MYO6: variants seen among roughly 807,000 people sequenced by gnomAD.
The protein encoded by MYO6 is unconventional myosin-VI.
MYO6 carries 74 observed loss-of-function variants against 178.7 expected under a neutral mutation model. The ratio of observed to expected loss-of-function variants is 0.41; its 90% confidence interval spans 0.34 to 0.50. MYO6 has a LOEUF of 0.50. MYO6 is among the 20% of genes least tolerant of loss of function. The probability of loss-of-function intolerance (pLI) is 0.09; values close to 1 mark genes in which losing one functional copy is unlikely to be tolerated. For missense variants in MYO6, 1,330 were observed against 1,547.4 expected (o/e 0.86, Z 2.36); for synonymous variants, 477 against 504.6 (o/e 0.95, Z 0.73).
At chr6:75,867,155 T>G in intron 18 of MYO6, 50 bp downstream of exon 18, 1 of 1,393,184 alleles carries the variant, frequency 7.2e-7, no homozygotes, top group Non-Finnish European at 9.8e-7. Flanking sequence ...ATGAAATTAT[T>G]GTTTTATATT....
chr6:75,838,309 A>T (rs1457537475), intron 7 of MYO6, among the ~76,000 whole-genome samples: 4 of 151,996 alleles, frequency 2.6e-5, no homozygotes, highest in Admixed American at 1.3e-4. Flanking sequence ...TGCCTGCCTC[A>T]GCCTCCCAAA....
At chr6:75,824,697 C>CAGAAGT (rs1562211518) in intron 3 of MYO6, among the ~76,000 whole-genome samples, 1 of 151,824 alleles carries the variant, frequency 6.6e-6, no homozygotes, top group African/African-American at 2.4e-5. Context: ...TCTACTGAAA[C>CAGAAGT]AGAAGTAGTG....
Position 75,867,064 on chromosome 6 carries a change from G to A in MYO6, c.1903G>A (p.Ala635Thr), listed in dbSNP as rs761959353. The A allele has an allele frequency of 1.2e-6, 2 of 1,613,798 alleles. No individual in the cohort carries two copies. Among genetic ancestry groups the A allele is most frequent in the Non-Finnish European group, 1.7e-6 (2 of 1,179,862 alleles). The change falls in exon 18 of 35, where the codon GCA becomes ACA. Residue 635 changes from alanine to threonine, a missense_variant. By Grantham distance (58) the Ala-to-Thr change is moderately conservative. Around this residue, in one of 3 missense-constraint regions of MYO6, gnomAD observed 613 missense variants for 816.8 expected, o/e 0.75. Transcript: ENST00000369977. ...TAACAACAAAGATACTAAACAAAAA[G>A]CAGGAAAACTTAGCTTCATCAGCGT... ...TNNNKDTKQK[A>T]GKLSFISVGN... is the part of the protein sequence containing the mutation.
intron 1 of MYO6, among the ~76,000 whole-genome samples, chr6:75,756,147 C>G (rs1777327477): frequency 6.6e-6 from 1 of 152,032 alleles, no homozygotes; most frequent in East Asian, 2.0e-4. Context: ...GTAGTCCTAG[C>G]TACTCAGGCG....
intron 1 of MYO6, among the ~76,000 whole-genome samples, chr6:75,787,751 T>C (rs1767796844): frequency 7.9e-6 from 1 of 126,148 alleles, no homozygotes. Flanking sequence ...TATATATATA[T>C]ATATATATAT....
In MYO6 at chr6:75,828,627, C is replaced by T. The variant is rs780419115; in HGVS notation, c.261+14C>T. The T allele has an allele frequency of 6.8e-7, 1 of 1,477,682 alleles. No homozygotes were observed. The highest frequency in any genetic ancestry group is 1.7e-5 in the Admixed American group (1 of 59,714). The allele number at this position is 1,477,682 out of a possible 1,614,324, so 91.5% of individuals were successfully genotyped here. A position where few individuals can be genotyped will look rare whatever the true frequency, so the allele number is the denominator to read the frequency against. On this transcript the variant is annotated intron_variant, in intron 4 of 34. Coordinates refer to ENST00000369977, the MANE Select transcript of MYO6 (RefSeq NM_004999.4). ...GACAGAATTTATGTAAGTATTTTAC[C>T]TGTAGTGTAAGTTTTTGTGGAGATA...
chr6:75,851,513 T>C (rs967051236), intron 11 of MYO6, among the ~76,000 whole-genome samples: 1 of 151,998 alleles, frequency 6.6e-6, no homozygotes, highest in East Asian at 1.9e-4. Context: ...TGAAAAAATG[T>C]TGGTTTTGGC....
chr6:75,786,305 G>A (rs1356605530), intron 1 of MYO6, among the ~76,000 whole-genome samples: 1 of 152,066 alleles, frequency 6.6e-6, no homozygotes, highest in Non-Finnish European at 1.5e-5. Context: ...CTGTTTTATT[G>A]TGGCTTTATA....
chr6:75,832,790 T>A, intron 5 of MYO6, 52 bp from the exon 6 acceptor site: 1 of 1,117,748 alleles, frequency 8.9e-7, no homozygotes, highest in Non-Finnish European at 1.4e-6. Context: ...TTTCTATTAT[T>A]AACTTTATAT....
intron 7 of MYO6, among the ~76,000 whole-genome samples, chr6:75,839,315 T>C (rs1366580208): frequency 6.6e-6 from 1 of 151,806 alleles, no homozygotes; most frequent in East Asian, 1.9e-4. Flanking sequence ...CAGCCTCCCA[T>C]GTAGCTGGGA....
intron 3 of MYO6, among the ~76,000 whole-genome samples, chr6:75,825,637 C>T (rs1378370741): frequency 6.6e-6 from 1 of 152,112 alleles, no homozygotes; most frequent in Admixed American, 6.6e-5. Context: ...TAAAAGTTGC[C>T]TCAGTCTCTT....
chr6:75,914,351 C>T, intron 34 of MYO6, 70 bp downstream of exon 34: 1 of 1,400,542 alleles, frequency 7.1e-7, no homozygotes, highest in Admixed American at 1.7e-5. Flanking sequence ...ATGAAACATT[C>T]TAATGTATAA....
rs773488158 is a variant in MYO6 at position 75,855,302 on chromosome 6, T to G, written c.1223+19T>G. ...TTATAAAGTAAGTTCCTTAAGTAAT[T>G]GCACTGCAAAAATTTTGCCTTGCAG... On this transcript the variant is annotated intron_variant, in intron 12 of 34. Coordinates refer to ENST00000369977, the MANE Select transcript of MYO6 (RefSeq NM_004999.4). 6.2e-7 allele frequency: 1 copy of G among 1,612,240 alleles called. No homozygotes were observed. The highest frequency in any genetic ancestry group is 8.5e-7 in the Non-Finnish European group (1 of 1,178,852).
At chr6:75,769,884 G>T (rs929261750) in intron 1 of MYO6, among the ~76,000 whole-genome samples, 2 of 152,064 alleles carry the variant, frequency 1.3e-5, no homozygotes, top group African/African-American at 2.4e-5. Context: ...TGGGCTACAC[G>T]GTGAGACTCT....
At chr6:75,910,958 A>G (rs878988806) in intron 32 of MYO6, among the ~76,000 whole-genome samples, 1 of 152,116 alleles carries the variant, frequency 6.6e-6, no homozygotes, top group Admixed American at 6.5e-5. Context: ...CGTATTGTTG[A>G]CTTAAAGAGT....
At chr6:75,883,109 T>C (rs1778172372) in intron 23 of MYO6, among the ~76,000 whole-genome samples, 1 of 152,204 alleles carries the variant, frequency 6.6e-6, no homozygotes, top group Non-Finnish European at 1.5e-5. Flanking sequence ...ACCCAGAAAG[T>C]AAATGTTGTG....
intron 1 of MYO6, among the ~76,000 whole-genome samples, chr6:75,804,899 T>C (rs916227865): frequency 1.4e-5 from 2 of 147,540 alleles, no homozygotes; most frequent in African/African-American, 2.5e-5. Context: ...CACATATATA[T>C]ACATATATAC....
intron 1 of MYO6, among the ~76,000 whole-genome samples, chr6:75,800,879 C>G (rs1047103711): frequency 6.6e-6 from 1 of 152,266 alleles, no homozygotes; most frequent in Non-Finnish European, 1.5e-5. Context: ...TGCCACCACA[C>G]CCGGCTAATT....
chr6:75,813,453 C>T (rs1323341933), intron 1 of MYO6, among the ~76,000 whole-genome samples: 1 of 152,190 alleles, frequency 6.6e-6, no homozygotes, highest in African/African-American at 2.4e-5. Flanking sequence ...GCCCAGGGCA[C>T]ATCCAGAAAT....
Sources: gnomAD v4.1 joint callset for allele counts (sites outside exome capture counted in the v4.1 genomes callset) on GRCh38, gnomAD v4.1.1 for gene constraint, gnomAD v4.1.1 regional missense constraint, MANE v1.5 for transcripts, NCBI Gene and HGNC (gene_info 2026-07-23, HGNC 2026-07-21) for gene names.